Variants in ADGRD1 observed in about 807,000 individuals in gnomAD.
ADGRD1 encodes the protein adhesion G protein-coupled receptor D1, also known as G-protein coupled receptor 133.
Under a neutral mutation model 113.4 loss-of-function variants are expected in ADGRD1, and 77 were observed. That is an observed-to-expected ratio of 0.68 (90% CI 0.57 to 0.82). The LOEUF is 0.82. ADGRD1 is among the 40% of genes least tolerant of loss of function. ADGRD1 has a pLI of 0.00. For synonymous variants in ADGRD1, 474 were observed against 475.0 expected, an observed-to-expected ratio of 1.00 and a Z score of 0.03; for missense variants, 1,036 against 1,139.1, an observed-to-expected ratio of 0.91 and a Z score of 1.30.
chr12:131,012,277 ATT>A (rs11414277), intron 12 of ADGRD1, among the ~76,000 whole-genome samples: 1 of 147,268 alleles, frequency 6.8e-6, no homozygotes, highest in Non-Finnish European at 1.5e-5. Flanking sequence ...CTTTCTTTTC[ATT>A]TTTTTTTTTT....
chr12:131,120,676 G>A (rs1432164431), intron 19 of ADGRD1, 171 bp from the exon 20 acceptor site: 3 of 699,794 alleles, frequency 4.3e-6, no homozygotes, highest in African/African-American at 1.7e-5. Flanking sequence ...AGAATGAGAC[G>A]TGGGATCATC....
intron 14 of ADGRD1, among the ~76,000 whole-genome samples, chr12:131,083,618 A>T (rs1361545736): frequency 6.6e-6 from 1 of 152,176 alleles, no homozygotes; most frequent in Admixed American, 6.5e-5. Context: ...AAGCAAACAA[A>T]CAAACAAAAA....
intron 4 of ADGRD1, chr12:130,978,678 C>T (rs1198098039): frequency 4.0e-5 from 6 of 149,960 alleles, no homozygotes; most frequent in Admixed American, 4.0e-4. Flanking sequence ...GGATGGCCTT[C>T]GATCTACCCT....
intron 4 of ADGRD1, among the ~76,000 whole-genome samples, chr12:130,979,520 G>C (rs1442251871): frequency 6.6e-6 from 1 of 152,184 alleles, no homozygotes; most frequent in Non-Finnish European, 1.5e-5. Flanking sequence ...AATGACAAAT[G>C]TCTTCTTTGA....
At chr12:131,024,300 C>T (rs1879693412) in intron 13 of ADGRD1, 1 of 152,294 alleles carries the variant, frequency 6.6e-6, no homozygotes, top group Admixed American at 6.5e-5. Context: ...GTGCTGGTGC[C>T]TGATGGCTAG....
chr12:131,004,142 T>G (rs2136740435), intron 10 of ADGRD1, 44 bp from the exon 11 acceptor site: 2 of 1,249,486 alleles, frequency 1.6e-6, no homozygotes, highest in Non-Finnish European at 2.4e-6. Flanking sequence ...CTGCAGCCTG[T>G]GAGCTCTGAC....
chr12:131,103,078 T>G (rs1291465360), intron 15 of ADGRD1, among the ~76,000 whole-genome samples: 4 of 152,178 alleles, frequency 2.6e-5, no homozygotes, highest in Non-Finnish European at 2.9e-5. Context: ...ACCTTTCCCG[T>G]GATAGCCACA....
In ADGRD1 at chr12:131,108,847, A is replaced by C. The variant is rs765079828; in HGVS notation, c.2011A>C (p.Lys671Gln). The C allele has an allele frequency of 1.4e-5, 22 of 1,613,494 alleles. No homozygotes were observed. The highest frequency in any genetic ancestry group is 1.9e-5 in the Non-Finnish European group (22 of 1,179,770). ...CAAGGTCTTTGGGTCGGAGGACAGCAAGCACCGTTACTACTATGGGATGGG... is the reference window on the plus strand; with the variant it reads ...CAAGGTCTTTGGGTCGGAGGACAGCCAGCACCGTTACTACTATGGGATGGG... ...VIKVFGSEDSKHRYYYGMGWG... is the reference protein window; with the variant it reads ...VIKVFGSEDSQHRYYYGMGWG... Residue 671 changes from lysine (K) to glutamine (Q), a missense_variant, in exon 18 of 25, where the codon AAG becomes CAG. Transcript: ENST00000261654.
chr12:131,137,097 C>T, intron 23 of ADGRD1, 83 bp downstream of exon 23: 1 of 1,108,294 alleles, frequency 9.0e-7, no homozygotes, highest in African/African-American at 1.5e-5. Flanking sequence ...AACAGCGCTG[C>T]CCTGTCAGGG....
chr12:131,092,921 G>T (rs1887011141), intron 15 of ADGRD1, among the ~76,000 whole-genome samples: 1 of 149,252 alleles, frequency 6.7e-6, no homozygotes. Flanking sequence ...AGAGGAAGAT[G>T]TGGCCACGCT....
At chr12:131,044,548 A>G (rs1012726670) in intron 13 of ADGRD1, among the ~76,000 whole-genome samples, 2 of 152,202 alleles carry the variant, frequency 1.3e-5, no homozygotes, top group Non-Finnish European at 1.5e-5. Flanking sequence ...TTCTGTAAAC[A>G]TAATTACATC....
chr12:131,040,147 T>A (rs1232131047), intron 13 of ADGRD1, among the ~76,000 whole-genome samples: 1 of 152,182 alleles, frequency 6.6e-6, no homozygotes, highest in Non-Finnish European at 1.5e-5. Flanking sequence ...GTATCTCTGA[T>A]GCTTTTTCCC....
At chr12:130,985,775 C>T (rs541468630) in intron 5 of ADGRD1, among the ~76,000 whole-genome samples, 1 of 152,340 alleles carries the variant, frequency 6.6e-6, no homozygotes, top group Admixed American at 6.5e-5. Flanking sequence ...TGGTCTCGAA[C>T]TCCTGACTTC....
At chr12:131,026,740 A>C (rs910511747) in intron 13 of ADGRD1, 3 of 152,212 alleles carry the variant, frequency 2.0e-5, no homozygotes, top group South Asian at 2.1e-4. Flanking sequence ...GCCCCTCCCC[A>C]GGTTTGACAA....
At chr12:131,076,931 C>A (rs1885669227) in intron 14 of ADGRD1, 57 bp downstream of exon 14, 1 of 1,356,626 alleles carries the variant, frequency 7.4e-7, no homozygotes, top group South Asian at 1.2e-5. Context: ...CCAGGCCCGC[C>A]CCATGCCAGC....
At chr12:131,072,893 C>A (rs958596882) in intron 13 of ADGRD1, among the ~76,000 whole-genome samples, 1 of 152,232 alleles carries the variant, frequency 6.6e-6, no homozygotes, top group African/African-American at 2.4e-5. Flanking sequence ...CGCCCCAAGG[C>A]ACTGCTCACC....
At chr12:131,017,125 C>T (rs1878656549) in intron 13 of ADGRD1, among the ~76,000 whole-genome samples, 1 of 152,068 alleles carries the variant, frequency 6.6e-6, no homozygotes, top group African/African-American at 2.4e-5. Context: ...GAGATGAGAG[C>T]ACAGCTTGAG....
intron 21 of ADGRD1, among the ~76,000 whole-genome samples, chr12:131,132,435 G>T (rs541579693): frequency 1.6e-4 from 24 of 152,340 alleles, no homozygotes; most frequent in African/African-American, 5.1e-4. Context: ...GCATGCACTG[G>T]CCTAAGCAGA....
chr12:130,976,134 C>A (rs1386963249), intron 4 of ADGRD1, among the ~76,000 whole-genome samples: 1 of 152,140 alleles, frequency 6.6e-6, no homozygotes, highest in Non-Finnish European at 1.5e-5. Flanking sequence ...AAAACGCTGT[C>A]AACAATTTGC....
Sources: gnomAD v4.1 joint callset for allele counts (sites outside exome capture counted in the v4.1 genomes callset) on GRCh38, gnomAD v4.1.1 for gene constraint, MANE v1.5 for transcripts, NCBI Gene and HGNC (gene_info 2026-07-23, HGNC 2026-07-21) for gene names.